The following PRKCE variants were observed in gnomAD, a reference collection of about 807,000 sequenced individuals.
PRKCE encodes protein kinase C epsilon type.
Under a neutral mutation model 85.4 loss-of-function variants are expected in PRKCE, and 16 were observed. The observed-to-expected ratio is 0.19, with a 90% CI of 0.13 to 0.28. The LOEUF (loss-of-function observed/expected upper bound fraction) is 0.28, where lower values mean the gene tolerates loss of function less well. Ranked by LOEUF, PRKCE falls within the 10% of genes least tolerant of loss-of-function variation. PRKCE has a pLI of 1.00. For missense variants in PRKCE, 573 were observed against 975.2 expected, an observed-to-expected ratio of 0.59 and a Z score of 5.49; for synonymous variants, 388 against 371.5, an observed-to-expected ratio of 1.04 and a Z score of -0.51.
chr2:46,184,683 C>A lies in PRKCE; in HGVS notation c.2068-52C>A. ...GCGGTGCCCACTCCCCATGGGGGGC[C>A]CTCAGGAGGGAGAGCAGCCTCAACT... is the stretch of plus-strand genomic sequence containing the variant. On this transcript the variant is annotated intron_variant, in intron 14 of 14. Coordinates refer to ENST00000306156, the MANE Select transcript of PRKCE (RefSeq NM_005400.3). This position sits in a 1 kb window ranked among gnomAD's most constrained non-coding sequence, Gnocchi z 5.0. 1 of 1,583,976 alleles carries A rather than the reference C, an allele frequency of 6.3e-7. No individual in the cohort carries two copies. Among genetic ancestry groups the A allele is most frequent in the Non-Finnish European group, 8.5e-7 (1 of 1,172,302 alleles).
In PRKCE at chr2:46,004,803, C is replaced by T. The variant is rs61758278; in HGVS notation, c.1063+165C>T. ...CTGTTGATTTAACAGTTCTTTCATT[C>T]TCCAAGACCTTCTTGAGGGCTGGGC... On this transcript the variant is annotated intron_variant, in intron 8 of 14. Transcript: ENST00000306156. This position sits in a 1 kb window ranked among gnomAD's most constrained non-coding sequence, Gnocchi z 4.1. Among the ~76,000 whole-genome samples the T allele has an allele frequency of 0.027, 4,126 of 152,308 alleles. 73 individuals are homozygous for T. Among genetic ancestry groups the T allele is most frequent in the South Asian group, 0.038 (183 of 4,830 alleles).
chr2:45,704,714 G>A (rs1429048602), intron 1 of PRKCE, among the ~76,000 whole-genome samples: 4 of 152,200 alleles, frequency 2.6e-5, no homozygotes, highest in African/African-American at 9.6e-5. Context: ...CCCAGCAAAT[G>A]TCCATCTCTT....
At chr2:45,723,891 C>T (rs538409414) in intron 1 of PRKCE, among the ~76,000 whole-genome samples, 2 of 152,320 alleles carry the variant, frequency 1.3e-5, no homozygotes, top group South Asian at 4.1e-4. Flanking sequence ...AGGTGAGCCA[C>T]TGCAACCAGC....
At chr2:46,006,993 G>A (rs138188772) in intron 8 of PRKCE, among the ~76,000 whole-genome samples, 2 of 152,322 alleles carry the variant, frequency 1.3e-5, no homozygotes, top group East Asian at 3.9e-4. Flanking sequence ...ATCAGCCACC[G>A]TTCTGATGGC....
intron 1 of PRKCE, among the ~76,000 whole-genome samples, chr2:45,739,309 C>G (rs575478248): frequency 2.0e-5 from 3 of 152,136 alleles, no homozygotes; most frequent in African/African-American, 7.2e-5. Flanking sequence ...AGTGACTTTT[C>G]TAAGATCACA....
rs1259969964 is a variant in PRKCE, at chr2:45,771,700, G to GGTGTGT, written c.349-71299_349-71298insTGTGTG. On this transcript the variant is annotated intron_variant, in intron 1 of 14. Coordinates refer to ENST00000306156, the MANE Select transcript of PRKCE (RefSeq NM_005400.3). ...GACGTGGAGTGACTCTACAGAGTGG[G>GGTGTGT]GCGTGTGTGTGTGTGTGTGTGTGTG... 6.3e-5 allele frequency among the ~76,000 whole-genome samples: 6 copies of GGTGTGT among 94,714 alleles called. No homozygotes were observed. In the East Asian group the frequency reaches 1.9e-3, roughly 31 times the overall value. 62.1% of individuals were successfully genotyped at this position (94,714 alleles called of 152,430 possible). A position where few individuals can be genotyped will look rare whatever the true frequency, so the allele number is the denominator to read the frequency against.
intron 10 of PRKCE, among the ~76,000 whole-genome samples, chr2:46,060,924 G>T (rs1023695466): frequency 2.0e-5 from 3 of 151,488 alleles, no homozygotes; most frequent in Non-Finnish European, 4.4e-5. Flanking sequence ...ACCACACCTG[G>T]CTCATTTTTG....
intron 10 of PRKCE, among the ~76,000 whole-genome samples, chr2:46,083,499 G>A (rs1192630153): frequency 6.6e-6 from 1 of 152,062 alleles, no homozygotes; most frequent in Non-Finnish European, 1.5e-5. Context: ...ATACTCCATT[G>A]TTGCTAAAGT....
intron 2 of PRKCE, among the ~76,000 whole-genome samples, chr2:45,885,945 A>G (rs1695267910): frequency 6.6e-6 from 1 of 152,220 alleles, no homozygotes. Flanking sequence ...GACAATGTAA[A>G]TCCAAGAATC....
At chr2:45,929,512 C>T (rs1573916681) in intron 2 of PRKCE, among the ~76,000 whole-genome samples, 1 of 152,048 alleles carries the variant, frequency 6.6e-6, no homozygotes, top group Non-Finnish European at 1.5e-5. Context: ...GAAACTGTTG[C>T]CCCTTCAGGG....
chr2:45,819,353 T>C (rs1283810458), intron 1 of PRKCE, among the ~76,000 whole-genome samples: 2 of 152,170 alleles, frequency 1.3e-5, no homozygotes, highest in Non-Finnish European at 2.9e-5. Flanking sequence ...ATCTTGCTCT[T>C]GTCTTGAGAA....
At chr2:45,838,902 G>A (rs1034697570) in intron 1 of PRKCE, among the ~76,000 whole-genome samples, 8 of 152,184 alleles carry the variant, frequency 5.3e-5, no homozygotes, top group African/African-American at 1.9e-4. Context: ...GGACTAAGAA[G>A]CAGAAGACTT....
At chr2:45,703,505 T>C (rs548043402) in intron 1 of PRKCE, among the ~76,000 whole-genome samples, 4 of 151,562 alleles carry the variant, frequency 2.6e-5, no homozygotes, top group African/African-American at 9.7e-5. Flanking sequence ...AACACTGCAC[T>C]CTAGCCTGGG....
intron 1 of PRKCE, among the ~76,000 whole-genome samples, chr2:45,833,193 G>A (rs1690580770): frequency 6.6e-6 from 1 of 151,692 alleles, no homozygotes; most frequent in African/African-American, 2.4e-5. Context: ...TATTTTTTGT[G>A]AGCAGCCATT....
intron 11 of PRKCE, among the ~76,000 whole-genome samples, chr2:46,143,651 G>A (rs1675781329): frequency 2.0e-5 from 3 of 152,116 alleles, no homozygotes; most frequent in Non-Finnish European, 4.4e-5. Context: ...TTGTCTCACT[G>A]CTCCATCACC....
intron 2 of PRKCE, among the ~76,000 whole-genome samples, chr2:45,975,696 C>G (rs1168522553): frequency 3.9e-5 from 6 of 152,132 alleles, no homozygotes; most frequent in Non-Finnish European, 7.4e-5. Context: ...GCAAGGCATT[C>G]TCAGTTGGTG....
intron 10 of PRKCE, among the ~76,000 whole-genome samples, chr2:46,025,568 G>A (rs911757373): frequency 1.1e-4 from 17 of 152,328 alleles, no homozygotes; most frequent in African/African-American, 2.2e-4. Flanking sequence ...AGGCACAAGC[G>A]TTGAAGTGCC....
chr2:46,072,355 G>A (rs76690553), intron 10 of PRKCE, among the ~76,000 whole-genome samples: 157 of 152,194 alleles, frequency 1.0e-3, no homozygotes, highest in African/African-American at 3.6e-3. Context: ...TTTTAATTTC[G>A]GCTTTATTAA....
intron 1 of PRKCE, among the ~76,000 whole-genome samples, chr2:45,666,606 C>T (rs1346614406): frequency 6.6e-6 from 1 of 152,058 alleles, no homozygotes; most frequent in Non-Finnish European, 1.5e-5. Context: ...ATCCCCTTCT[C>T]TTTGGGCGAT....
Sources: gnomAD v4.1 joint callset for allele counts (sites outside exome capture counted in the v4.1 genomes callset) on GRCh38, gnomAD v4.1.1 for gene constraint, Gnocchi (gnomAD v3.1) non-coding constraint, MANE v1.5 for transcripts, NCBI Gene and HGNC (gene_info 2026-07-23, HGNC 2026-07-21) for gene names.